The following UNC13B variants were observed in gnomAD, a reference collection of about 807,000 sequenced individuals.
The protein encoded by UNC13B is unc-13 homolog B.
UNC13B carries 144 observed loss-of-function variants against 211.0 expected under a neutral mutation model. The ratio of observed to expected loss-of-function variants is 0.68; its 90% CI spans 0.60 to 0.78. UNC13B has a LOEUF of 0.78. UNC13B is among the 30% of genes least tolerant of loss of function. The pLI is 0.00. For synonymous variants in UNC13B, 709 were observed against 725.8 expected (o/e 0.98, Z 0.37); for missense variants, 1,777 against 2,002.0 (o/e 0.89, Z 2.14).
intron 26 of UNC13B, among the ~76,000 whole-genome samples, chr9:35,392,809 TAAAG>T (rs1217492659): frequency 2.7e-5 from 4 of 149,606 alleles, no homozygotes; most frequent in East Asian, 3.9e-4. Context: ...TAAAATAAAA[TAAAG>T]AAAAGGGTGA....
rs150738070 is a variant in UNC13B at position 35,166,869 on chromosome 9, A to G, written c.22+4564A>G. ...ATATAGGTTCTGCAGTTGAATGTAC[A>G]TAGCATTCTTCAGCTTTTTTTGTTT... On this transcript the variant is annotated intron_variant, in intron 1 of 39. Coordinates refer to ENST00000635942, the MANE Select transcript of UNC13B (RefSeq NM_001371189.2). Among the ~76,000 whole-genome samples the G allele has an allele frequency of 3.3e-5, 5 of 152,232 alleles. No homozygotes were observed. The East Asian group carries it at 9.7e-4, about 29-fold the overall frequency.
chr9:35,399,133 T>C (rs761684659), intron 33 of UNC13B, 28 bp from the exon 34 acceptor site: 3 of 1,614,162 alleles, frequency 1.9e-6, no homozygotes, highest in Non-Finnish European at 2.5e-6. Flanking sequence ...ACTCTCACCC[T>C]GGTCTCACCT....
chr9:35,260,063 A>AT (rs1365973178), intron 7 of UNC13B, among the ~76,000 whole-genome samples: 1 of 150,356 alleles, frequency 6.7e-6, no homozygotes, highest in Non-Finnish European at 1.5e-5. Flanking sequence ...AAAAAAAAAA[A>AT]ACCAAGTGTG....
intron 11 of UNC13B, among the ~76,000 whole-genome samples, chr9:35,330,733 G>A: frequency 6.6e-6 from 1 of 152,196 alleles, no homozygotes; most frequent in East Asian, 1.9e-4. Context: ...TTCATCAATG[G>A]TGGATCTTCT....
chr9:35,268,640 G>A (rs757824565), intron 7 of UNC13B, among the ~76,000 whole-genome samples: 2 of 152,080 alleles, frequency 1.3e-5, no homozygotes, highest in East Asian at 3.9e-4. Flanking sequence ...CCTAAAATCT[G>A]GATTTGTCTG....
chr9:35,395,960 C>G (rs1835845061), intron 26 of UNC13B, among the ~76,000 whole-genome samples: 1 of 152,206 alleles, frequency 6.6e-6, no homozygotes, highest in African/African-American at 2.4e-5. Flanking sequence ...GGCTGCCCAA[C>G]TGCTCTGTCA....
intron 7 of UNC13B, among the ~76,000 whole-genome samples, chr9:35,288,070 C>T (rs1206647475): frequency 6.6e-6 from 1 of 152,074 alleles, no homozygotes; most frequent in Non-Finnish European, 1.5e-5. Flanking sequence ...ATTTTCCCTC[C>T]AGAATATCTT....
intron 1 of UNC13B, among the ~76,000 whole-genome samples, chr9:35,191,054 G>T (rs1329857129): frequency 2.0e-5 from 3 of 152,038 alleles, no homozygotes; most frequent in African/African-American, 7.2e-5. Context: ...CCATCTCCCG[G>T]GTTCCAATGA....
At chr9:35,398,440 C>T in intron 31 of UNC13B, 114 bp from the exon 32 acceptor site, 1 of 1,361,358 alleles carries the variant, frequency 7.3e-7, no homozygotes, top group Non-Finnish European at 1.0e-6. Flanking sequence ...GGGTAAGGCC[C>T]TGCGAGGGAG....
intron 1 of UNC13B, among the ~76,000 whole-genome samples, chr9:35,179,404 T>C (rs1821812242): frequency 6.6e-6 from 1 of 151,942 alleles, no homozygotes; most frequent in Non-Finnish European, 1.5e-5. Flanking sequence ...GGGAGTGTGG[T>C]ATAATGGAAA....
At position 35,370,436 on chromosome 9, in the gene UNC13B, G is replaced by A. The variant is rs1404703615; in HGVS notation, c.9540+40G>A. ...TTGTGCAGGCATAGGCAGTAGCCTT[G>A]GGGTATCCCCCATTGGGCCTTGGCA... On this transcript the variant is annotated intron_variant, in intron 13 of 39. Coordinates refer to ENST00000635942, the MANE Select transcript of UNC13B (RefSeq NM_001371189.2). 3.8e-6 allele frequency: 6 copies of A among 1,594,374 alleles called. No individual in the cohort carries two copies. The Admixed American group carries it at 8.4e-5, about 22-fold the overall frequency.
intron 11 of UNC13B, among the ~76,000 whole-genome samples, chr9:35,348,096 C>T (rs1379613137): frequency 6.6e-6 from 1 of 152,106 alleles, no homozygotes; most frequent in Non-Finnish European, 1.5e-5. Flanking sequence ...AAAAACAAAA[C>T]AAAACAAAAC....
chr9:35,344,269 T>C (rs1187113268), intron 11 of UNC13B, among the ~76,000 whole-genome samples: 2 of 152,280 alleles, frequency 1.3e-5, no homozygotes, highest in East Asian at 3.9e-4. Context: ...TTGTTTTTCT[T>C]TTTTCTTTTT....
intron 1 of UNC13B, among the ~76,000 whole-genome samples, chr9:35,211,201 G>A (rs1456240187): frequency 2.0e-5 from 3 of 152,204 alleles, no homozygotes; most frequent in Non-Finnish European, 4.4e-5. Flanking sequence ...ATCTTCTCAT[G>A]TCTTCCTCTC....
rs1836571843 is a variant in UNC13B, at chr9:35,404,792, A to C, written c.*759A>C. On this transcript the variant is annotated 3_prime_UTR_variant, in exon 40 of 40. Transcript: ENST00000635942. ...CAGGGGAGTGATGCTTCAGGACGTG[A>C]CAGGCTGTTCTAACATGTGTCTACC... 1 of 152,488 alleles carries C rather than the reference A, an allele frequency of 6.6e-6. No individual in the cohort carries two copies. Among genetic ancestry groups the C allele is most frequent in the Non-Finnish European group, 1.5e-5 (1 of 68,006 alleles). The allele number at this position is 152,488 out of a possible 1,614,324, so 9.4% of individuals were successfully genotyped here.
At position 35,403,852 on chromosome 9, in the gene UNC13B, C is replaced by T; in HGVS notation, c.12842C>T (p.Pro4281Leu). 1 of 1,614,174 alleles carries T rather than the reference C, an allele frequency of 6.2e-7. No homozygotes were observed. The highest frequency in any genetic ancestry group is 8.5e-7 in the Non-Finnish European group (1 of 1,180,044). Residue 4281 changes from proline to leucine, a missense_variant, in exon 40 of 40, where the codon CCT becomes CTT. By Grantham distance (98) the Pro-to-Leu change is moderately conservative. Transcript: ENST00000635942. ...EDRVLGLAVM[P>L]LRDVTAKGSC... ...CGCGTGCTAGGGCTGGCTGTGATGCCTCTGAGGGATGTCACAGCCAAGGGC... is the reference window on the plus strand; with the variant it reads ...CGCGTGCTAGGGCTGGCTGTGATGCTTCTGAGGGATGTCACAGCCAAGGGC...
intron 7 of UNC13B, among the ~76,000 whole-genome samples, chr9:35,278,004 G>T (rs1769751847): frequency 4.6e-5 from 7 of 152,142 alleles, no homozygotes; most frequent in Admixed American, 4.6e-4. Flanking sequence ...AATTACTTTT[G>T]AAAGAACTAA....
At chr9:35,402,156 A>AT in intron 37 of UNC13B, 1 of 698,366 alleles carries the variant, frequency 1.4e-6, no homozygotes, top group South Asian at 1.8e-5. Context: ...TAATGCCTTC[A>AT]TATAGCCCAG....
In UNC13B at chr9:35,300,937, A is replaced by G. The variant is rs911429548; in HGVS notation, c.1533A>G (p.Pro511=). 2 of 398,984 alleles carry G rather than the reference A, an allele frequency of 5.0e-6. No homozygotes were observed. Among genetic ancestry groups the G allele is most frequent in the Non-Finnish European group, 8.8e-6 (2 of 226,024 alleles). 24.7% of individuals were successfully genotyped at this position (398,984 alleles called of 1,614,324 possible). A position where few individuals can be genotyped will look rare whatever the true frequency, so the allele number is the denominator to read the frequency against. The part of the protein sequence containing the change: ...AEQRTPGDQI[P]PLTIVKNDKD... The stretch of plus-strand genomic sequence containing the variant: ...AGAGAACGCCTGGGGATCAAATACC[A>G]CCTTTAACTATTGTCAAGAATGACA... Residue 511 remains proline, a synonymous_variant, in exon 9 of 40, where the codon CCA becomes CCG. Transcript: ENST00000635942.
Sources: allele counts gnomAD v4.1 joint callset (sites outside exome capture counted in the v4.1 genomes callset), GRCh38; gene constraint gnomAD v4.1.1; transcripts MANE v1.5; gene names NCBI Gene and HGNC (gene_info 2026-07-23, HGNC 2026-07-21).